NRXN1: variants seen among roughly 807,000 people sequenced by gnomAD.
NRXN1 encodes the protein neurexin 1.
A neutral mutation model predicts 150.9 loss-of-function variants in NRXN1; 39 were observed. The observed-to-expected ratio is 0.26, with a 90% confidence interval of 0.20 to 0.34. The LOEUF is 0.34. Ranked by LOEUF, NRXN1 falls within the 10% of genes least tolerant of loss-of-function variation. The probability of loss-of-function intolerance (pLI) is 1.00; values close to 1 mark genes in which losing one functional copy is unlikely to be tolerated. For missense variants in NRXN1, 1,815 were observed against 1,949.9 expected, an observed-to-expected ratio of 0.93 and a Z score of 1.30; for synonymous variants, 924 against 757.0, an observed-to-expected ratio of 1.22 and a Z score of -3.62.
At chr2:50,598,356 C>T (rs1231817853) in intron 8 of NRXN1, among the ~76,000 whole-genome samples, 1 of 151,398 alleles carries the variant, frequency 6.6e-6, no homozygotes, top group African/African-American at 2.4e-5. Flanking sequence ...CAGGATGCAG[C>T]CTTGGAAAAG....
chr2:50,374,463 C>G (rs988786979), intron 17 of NRXN1, among the ~76,000 whole-genome samples: 4 of 151,924 alleles, frequency 2.6e-5, no homozygotes, highest in Admixed American at 1.3e-4. Flanking sequence ...GAACTATCAA[C>G]CATCATAAAT....
chr2:50,894,228 T>C (rs1681551174), intron 5 of NRXN1, among the ~76,000 whole-genome samples: 1 of 141,414 alleles, frequency 7.1e-6, no homozygotes, highest in Non-Finnish European at 1.5e-5. Flanking sequence ...ACCCTAAAAC[T>C]TAAAGTATAA....
intron 5 of NRXN1, among the ~76,000 whole-genome samples, chr2:50,835,068 C>G (rs1183668253): frequency 6.6e-6 from 1 of 152,126 alleles, no homozygotes; most frequent in Non-Finnish European, 1.5e-5. Flanking sequence ...ATATAGACAA[C>G]CTCAGACAGC....
intron 8 of NRXN1, among the ~76,000 whole-genome samples, chr2:50,555,432 G>C (rs1404210487): frequency 1.3e-5 from 2 of 152,042 alleles, no homozygotes. Context: ...GTGATGAAAA[G>C]GTTCAGGAAG....
intron 5 of NRXN1, among the ~76,000 whole-genome samples, chr2:50,753,612 T>A (rs978706800): frequency 2.6e-5 from 4 of 152,014 alleles, no homozygotes; most frequent in Middle Eastern, 3.4e-3. Flanking sequence ...CCATTTCTAG[T>A]TATCTTTTCT....
At chr2:50,656,200 A>G (rs1426129282) in intron 5 of NRXN1, among the ~76,000 whole-genome samples, 2 of 151,896 alleles carry the variant, frequency 1.3e-5, no homozygotes, top group Non-Finnish European at 2.9e-5. Context: ...CCCTGCCCCC[A>G]AACACACAAA....
At chr2:50,268,407 G>T (rs1226941632) in intron 17 of NRXN1, among the ~76,000 whole-genome samples, 1 of 152,116 alleles carries the variant, frequency 6.6e-6, no homozygotes, top group Non-Finnish European at 1.5e-5. Context: ...ACCCAACAGT[G>T]ACCTGGGGAG....
chr2:49,937,712 T>G (rs1358085272), intron 22 of NRXN1, among the ~76,000 whole-genome samples: 2 of 152,206 alleles, frequency 1.3e-5, no homozygotes, highest in African/African-American at 4.8e-5. Context: ...CACTCATTGC[T>G]ACTGTTTTTC....
At chr2:50,914,314 G>C (rs1684924688) in intron 5 of NRXN1, among the ~76,000 whole-genome samples, 1 of 151,622 alleles carries the variant, frequency 6.6e-6, no homozygotes, top group African/African-American at 2.4e-5. Flanking sequence ...TGAAAGATAA[G>C]CTACATGACC....
At chr2:50,895,876 G>A (rs1681867479) in intron 5 of NRXN1, among the ~76,000 whole-genome samples, 1 of 151,958 alleles carries the variant, frequency 6.6e-6, no homozygotes, top group South Asian at 2.1e-4. Flanking sequence ...CACCGTGCCT[G>A]GCCTATGCAA....
intron 2 of NRXN1, among the ~76,000 whole-genome samples, chr2:50,961,409 G>C (rs1217557445): frequency 1.3e-5 from 2 of 151,644 alleles, no homozygotes; most frequent in Non-Finnish European, 1.5e-5. Context: ...GGTTATATAT[G>C]AGATGGATCC....
At chr2:50,213,888 T>C in intron 18 of NRXN1, among the ~76,000 whole-genome samples, 1 of 152,000 alleles carries the variant, frequency 6.6e-6, no homozygotes, top group Non-Finnish European at 1.5e-5. Context: ...CCACTGCAGC[T>C]AAGAGGAATT....
At chr2:50,740,705 G>A (rs749092606) in intron 5 of NRXN1, among the ~76,000 whole-genome samples, 5 of 152,060 alleles carry the variant, frequency 3.3e-5, no homozygotes, top group Non-Finnish European at 7.4e-5. Flanking sequence ...CAGAATTAAA[G>A]TTGGTTATAA....
intron 2 of NRXN1, among the ~76,000 whole-genome samples, chr2:50,960,828 A>C (rs1235459020): frequency 1.3e-5 from 2 of 152,106 alleles, no homozygotes; most frequent in African/African-American, 4.8e-5. Flanking sequence ...GCAAACATAC[A>C]TCAAAACCAA....
At chr2:49,955,715 G>GA (rs72369095) in intron 21 of NRXN1, among the ~76,000 whole-genome samples, 261 of 148,764 alleles carry the variant, frequency 1.8e-3, no homozygotes, top group African/African-American at 2.9e-3. Context: ...TTGCAAAAAA[G>GA]AAAAAAAAAC....
intron 18 of NRXN1, among the ~76,000 whole-genome samples, chr2:50,130,228 C>T (rs1705269818): frequency 6.6e-6 from 1 of 152,076 alleles, no homozygotes. Flanking sequence ...GGCACACTCC[C>T]TTTAATCTGT....
intron 12 of NRXN1, among the ~76,000 whole-genome samples, chr2:50,512,281 G>C (rs1573336855): frequency 1.3e-5 from 2 of 152,126 alleles, no homozygotes; most frequent in East Asian, 3.9e-4. Flanking sequence ...AAGCCTTAAA[G>C]AGGCTCTTCT....
intron 18 of NRXN1, among the ~76,000 whole-genome samples, chr2:50,230,608 G>A (rs371822955): frequency 4.6e-5 from 7 of 151,996 alleles, no homozygotes; most frequent in South Asian, 2.1e-4. Flanking sequence ...TATGTGAACC[G>A]AGAAGAAGCT....
At chr2:50,183,269 T>C (rs2060851919) in intron 18 of NRXN1, among the ~76,000 whole-genome samples, 1 of 152,086 alleles carries the variant, frequency 6.6e-6, no homozygotes, top group Non-Finnish European at 1.5e-5. Context: ...AAAATTGGCA[T>C]CTGAGGTTTG....
Sources: gnomAD v4.1 joint callset for allele counts (sites outside exome capture counted in the v4.1 genomes callset) on GRCh38, gnomAD v4.1.1 for gene constraint, MANE v1.5 for transcripts, NCBI Gene and HGNC (gene_info 2026-07-23, HGNC 2026-07-21) for gene names.